The following MTMR9 variants were observed in gnomAD, a reference collection of about 807,000 sequenced individuals.
MTMR9 encodes the protein myotubularin-related protein 9.
A neutral mutation model predicts 69.5 loss-of-function variants in MTMR9; 39 were observed. The ratio of observed to expected loss-of-function variants is 0.56; its 90% CI spans 0.43 to 0.73. The LOEUF (loss-of-function observed/expected upper bound fraction) is 0.73. Among genes scored for constraint, MTMR9 ranks in the 30% least tolerant of loss-of-function variants. MTMR9 has a pLI of 0.00. For synonymous variants in MTMR9, 354 were observed against 240.8 expected, an observed-to-expected ratio of 1.47 and a Z score of -4.35; for missense variants, 900 against 671.2, an observed-to-expected ratio of 1.34 and a Z score of -3.77.
intron 2 of MTMR9, among the ~76,000 whole-genome samples, chr8:11,299,396 A>G (rs1335063022): frequency 6.6e-6 from 1 of 152,298 alleles, no homozygotes; most frequent in Non-Finnish European, 1.5e-5. Flanking sequence ...TACACACATT[A>G]TCTCTCTTAA....
chr8:11,323,215 A>G lies in MTMR9; in HGVS notation c.*427A>G, dbSNP rs1800775974. The G allele has an allele frequency of 6.6e-6, 1 of 152,516 alleles. No homozygotes were observed. The highest frequency in any genetic ancestry group is 1.5e-5 in the Non-Finnish European group (1 of 68,270). 9.4% of individuals were successfully genotyped at this position (152,516 alleles called of 1,614,324 possible). A position where few individuals can be genotyped will look rare whatever the true frequency, so the allele number is the denominator to read the frequency against. On this transcript the variant is annotated 3_prime_UTR_variant, in exon 10 of 10. Transcript: ENST00000221086. ...GACTTTTAAACACTCTGACCATAGA[A>G]ATGTTTTTCAAAATGGCAACAATGG...
chr8:11,286,541 C>G (rs566880774), intron 1 of MTMR9, among the ~76,000 whole-genome samples: 46 of 151,852 alleles, frequency 3.0e-4, no homozygotes, highest in Non-Finnish European at 5.6e-4. Context: ...TGGCAGGTGC[C>G]TGTAATCCCA....
the MTMR9 span, among the ~76,000 whole-genome samples, chr8:11,333,617 T>A: frequency 6.6e-6 from 1 of 152,206 alleles, no homozygotes; most frequent in East Asian, 1.9e-4. Flanking sequence ...ACCAGTATTA[T>A]TATAACTTTA....
intron 1 of MTMR9, among the ~76,000 whole-genome samples, chr8:11,293,359 C>T (rs1799432700): frequency 6.6e-6 from 1 of 151,994 alleles, no homozygotes; most frequent in African/African-American, 2.4e-5. Context: ...AGAGGTAAAA[C>T]GTTAGAGATT....
chr8:11,322,871 A>G lies in MTMR9; in HGVS notation c.*83A>G. On this transcript the variant is annotated 3_prime_UTR_variant, in exon 10 of 10. Transcript: ENST00000221086. Reference sequence around the variant, plus strand: ...CTTGTGCCCTTCAGTTCACTTTTACACGGTAGCCTTGAAGTGAAGGCTTTA... The same window carrying G: ...CTTGTGCCCTTCAGTTCACTTTTACGCGGTAGCCTTGAAGTGAAGGCTTTA... The G allele has an allele frequency of 1.5e-6, 2 of 1,322,418 alleles. No individual in the cohort carries two copies. Among genetic ancestry groups the G allele is most frequent in the Non-Finnish European group, 2.1e-6 (2 of 956,540 alleles). The allele number at this position is 1,322,418 out of a possible 1,614,324, so 81.9% of individuals were successfully genotyped here. A position where few individuals can be genotyped will look rare whatever the true frequency, so the allele number is the denominator to read the frequency against.
intron 7 of MTMR9, 138 bp downstream of exon 7, chr8:11,315,202 T>C (rs988022373): frequency 9.6e-7 from 1 of 1,037,606 alleles, no homozygotes. Flanking sequence ...GCAGGACAGT[T>C]AATCTGTCTT....
intron 3 of MTMR9, 85 bp from the exon 4 acceptor site, chr8:11,304,756 G>T: frequency 7.4e-7 from 1 of 1,343,238 alleles, no homozygotes; most frequent in South Asian, 1.4e-5. Context: ...AGTGAAAGTT[G>T]ACCTCTAAGG....
downstream of MTMR9, among the ~76,000 whole-genome samples, chr8:11,330,452 C>T (rs554111256): frequency 4.3e-4 from 66 of 151,876 alleles, no homozygotes; most frequent in Admixed American, 1.1e-3. Flanking sequence ...GCCATGATGA[C>T]GATGGCGGTT....
Position 11,322,635 on chromosome 8 carries a change from A to T in MTMR9, c.1497A>T (p.Leu499=). 6.2e-7 allele frequency: 1 copy of T among 1,613,410 alleles called. No homozygotes were observed. The highest frequency in any genetic ancestry group is 8.5e-7 in the Non-Finnish European group (1 of 1,179,684). The change falls in exon 10 of 10, where the codon CTA becomes CTT. Residue 499 remains leucine (L), a synonymous_variant. Transcript: ENST00000221086. The part of the protein sequence containing the change: ...QSLPLWEGIF[L]RWNRSSKYLD... ...TCCTGGATTCAATAGGTATTTTCCTACGTTGGAATAGATCCTCTAAGTATT... is the reference window on the plus strand; with the variant it reads ...TCCTGGATTCAATAGGTATTTTCCTTCGTTGGAATAGATCCTCTAAGTATT...
At chr8:11,299,992 T>C in intron 2 of MTMR9, 31 bp from the exon 3 acceptor site, 1 of 1,599,108 alleles carries the variant, frequency 6.3e-7, no homozygotes, top group Non-Finnish European at 8.5e-7. Flanking sequence ...TGGATGTTTC[T>C]TTTTTGTCTT....
chr8:11,326,041 G>A lies in MTMR9; in HGVS notation c.*3253G>A, dbSNP rs914044436. 6.6e-6 allele frequency: 1 copy of A among 152,132 alleles called. No individual in the cohort carries two copies. Among genetic ancestry groups the A allele is most frequent in the Non-Finnish European group, 1.5e-5 (1 of 68,028 alleles). The allele number at this position is 152,132 out of a possible 1,614,324, so 9.4% of individuals were successfully genotyped here. A position where few individuals can be genotyped will look rare whatever the true frequency, so the allele number is the denominator to read the frequency against. On this transcript the variant is annotated 3_prime_UTR_variant, in exon 10 of 10. Coordinates refer to ENST00000221086, the MANE Select transcript of MTMR9 (RefSeq NM_015458.4). ...GTTTTAAAGGATGAAATTTTGTGGG[G>A]TTTTAGTCTTTGATTCAGTCAGTAT...
rs1036383 is a variant in MTMR9, at chr8:11,323,099, C to G, written c.*311C>G. ...CATGCCATTTTATCCAAAGCTTTTT[C>G]TCTGTGTCCACTCTCCAAACAGCAT... On this transcript the variant is annotated 3_prime_UTR_variant, in exon 10 of 10. Coordinates refer to ENST00000221086, the MANE Select transcript of MTMR9 (RefSeq NM_015458.4). The G allele has an allele frequency of 0.081, 16,051 of 198,586 alleles. 1,037 individuals carry two copies. Among genetic ancestry groups the G allele is most frequent in the Admixed American group, 0.21 (3,578 of 17,118 alleles). The allele number at this position is 198,586 out of a possible 1,614,324, so 12.3% of individuals were successfully genotyped here.
chr8:11,294,500 CTTTTTT>C (rs61227530), intron 1 of MTMR9, among the ~76,000 whole-genome samples: 5 of 105,842 alleles, frequency 4.7e-5, no homozygotes, highest in African/African-American at 2.2e-4. Context: ...AATACTTTCA[CTTTTTT>C]TTTTTTTTTT....
intron 2 of MTMR9, 131 bp from the exon 3 acceptor site, chr8:11,299,892 C>T: frequency 2.7e-6 from 3 of 1,097,028 alleles, no homozygotes; most frequent in South Asian, 3.3e-5. Flanking sequence ...TGGTGATAAA[C>T]ACAATGTTAG....
chr8:11,296,915 C>G (rs1799580893), intron 2 of MTMR9, among the ~76,000 whole-genome samples: 1 of 151,982 alleles, frequency 6.6e-6, no homozygotes, highest in African/African-American at 2.4e-5. Flanking sequence ...AATATTGGTT[C>G]AGATTACAAA....
chr8:11,313,878 CAA>C (rs934916067), intron 6 of MTMR9, among the ~76,000 whole-genome samples: 17 of 152,112 alleles, frequency 1.1e-4, no homozygotes, highest in African/African-American at 3.6e-4. Context: ...GACAGAGACA[CAA>C]AGTAAAACAT....
chr8:11,302,373 C>T (rs998733301), intron 3 of MTMR9, among the ~76,000 whole-genome samples: 1 of 148,690 alleles, frequency 6.7e-6, no homozygotes, highest in African/African-American at 2.5e-5. Context: ...AGTTATTGAA[C>T]CCTTAAGCTG....
At chr8:11,316,440 T>A (rs1800418190) in intron 7 of MTMR9, 2 of 365,620 alleles carry the variant, frequency 5.5e-6, no homozygotes, top group Non-Finnish European at 9.7e-6. Flanking sequence ...GTTCCTGTGG[T>A]CACACCTTAG....
At position 11,326,240 on chromosome 8, in the gene MTMR9, T is replaced by G. The variant is rs1250856940; in HGVS notation, c.*3452T>G. ...AGCTGTTTGAATTGTCATTCTAAAG[T>G]AGGTCATCAGGTTCACTTATTATCC... On this transcript the variant is annotated 3_prime_UTR_variant, in exon 10 of 10. Transcript: ENST00000221086. 1 of 138,266 alleles carries G rather than the reference T, an allele frequency of 7.2e-6. No homozygotes were observed. Among genetic ancestry groups the G allele is most frequent in the African/African-American group, 2.5e-5 (1 of 40,628 alleles). The allele number at this position is 138,266 out of a possible 1,614,324, so 8.6% of individuals were successfully genotyped here. A position where few individuals can be genotyped will look rare whatever the true frequency, so the allele number is the denominator to read the frequency against.
Sources: allele counts gnomAD v4.1 joint callset (sites outside exome capture counted in the v4.1 genomes callset), GRCh38; gene constraint gnomAD v4.1.1; transcripts MANE v1.5; gene names NCBI Gene and HGNC (gene_info 2026-07-23, HGNC 2026-07-21).